The following NPLOC4 variants were observed in gnomAD, a reference collection of about 807,000 sequenced individuals.
NPLOC4 encodes NPL4 homolog, ubiquitin recognition factor, also known as nuclear protein localization protein 4 homolog.
NPLOC4 carries 18 observed loss-of-function variants against 80.6 expected under a neutral mutation model. That is an observed-to-expected ratio of 0.22 (90% confidence interval 0.15 to 0.33). The LOEUF is 0.33. NPLOC4 is among the 10% of genes least tolerant of loss of function. The pLI is 1.00. For missense variants in NPLOC4, 540 were observed against 786.1 expected (o/e 0.69, Z 3.74); for synonymous variants, 313 against 301.5 (o/e 1.04, Z -0.39).
chr17:81,590,499 A>C (rs894303451), intron 11 of NPLOC4, among the ~76,000 whole-genome samples: 1 of 152,048 alleles, frequency 6.6e-6, no homozygotes, highest in Non-Finnish European at 1.5e-5. Flanking sequence ...CTACAATCTC[A>C]TTATTTTTTA....
Position 81,629,941 on chromosome 17 carries a change from C to T in NPLOC4, c.16-136G>A, listed in dbSNP as rs2035887390. On this transcript the variant is annotated intron_variant, in intron 1 of 16. Transcript: ENST00000331134. ...AAACCTCACTCTTCACCTTTCAATA[C>T]CCAGCTCAATCCTTCTAGAATATGA... The T allele has an allele frequency of 1.1e-5, 7 of 653,728 alleles. No individual in the cohort carries two copies. The South Asian group carries it at 1.3e-4, about 12-fold the overall frequency. 40.5% of individuals were successfully genotyped at this position (653,728 alleles called of 1,614,324 possible). A position where few individuals can be genotyped will look rare whatever the true frequency, so the allele number is the denominator to read the frequency against.
chr17:81,575,832 G>A lies in NPLOC4; in HGVS notation c.1282-3744C>T, dbSNP rs753991257. ...GGGAAGATGCAAAATTTTCTCTTAA[G>A]ACTGGGAATATGCTATAATAAGTGA... On this transcript the variant is annotated intron_variant, in intron 12 of 16. Transcript: ENST00000331134. Among the ~76,000 whole-genome samples the A allele has an allele frequency of 2.0e-5, 3 of 152,332 alleles. No individual in the cohort carries two copies. The South Asian group carries it at 6.2e-4, about 32-fold the overall frequency.
chr17:81,559,332 G>A lies in NPLOC4; in HGVS notation c.1754C>T (p.Ala585Val), dbSNP rs1177934963. The A allele has an allele frequency of 1.9e-6, 3 of 1,606,816 alleles. No individual in the cohort carries two copies. The highest frequency in any genetic ancestry group is 2.5e-6 in the Non-Finnish European group (3 of 1,177,134). Reference sequence around the variant, plus strand: ...GTTCATGAACGTGCAGTGCTGACAGGCCCACATGGCTGCAGTGGCCGTGTG... The same window carrying A: ...GTTCATGAACGTGCAGTGCTGACAGACCCACATGGCTGCAGTGGCCGTGTG... ...STHTATAAMW[A>V]CQHCTFMNQP... The change falls in exon 17 of 17, where the codon GCC (alanine) becomes GTC (valine). Residue 585 changes from alanine (A) to valine (V), a missense_variant. Coordinates refer to ENST00000331134, the MANE Select transcript of NPLOC4 (RefSeq NM_017921.4).
At chr17:81,607,291 T>A (rs1031999978) in intron 6 of NPLOC4, among the ~76,000 whole-genome samples, 1 of 152,112 alleles carries the variant, frequency 6.6e-6, no homozygotes, top group Non-Finnish European at 1.5e-5. Context: ...TTACTCTGCT[T>A]TAGGCTAAAA....
At position 81,636,950 on chromosome 17, in the gene NPLOC4, G is replaced by T; in HGVS notation, c.-20C>A. ...GGCCATGGCGGCTGCTCCTGCCTCCGGGCTCGAGCCCCGGGCCGCCGCCGC... is the reference window on the plus strand; with the variant it reads ...GGCCATGGCGGCTGCTCCTGCCTCCTGGCTCGAGCCCCGGGCCGCCGCCGC... On this transcript the variant is annotated 5_prime_UTR_variant, in exon 1 of 17. Coordinates refer to ENST00000331134, the MANE Select transcript of NPLOC4 (RefSeq NM_017921.4). 1 of 1,323,516 alleles carries T rather than the reference G, an allele frequency of 7.6e-7. No individual in the cohort carries two copies. The highest frequency in any genetic ancestry group is 2.0e-5 in the South Asian group (1 of 49,742). 82.0% of individuals were successfully genotyped at this position (1,323,516 alleles called of 1,614,324 possible).
chr17:81,609,033 G>A (rs2035277120), intron 5 of NPLOC4: 1 of 460,632 alleles, frequency 2.2e-6, no homozygotes, highest in African/African-American at 2.0e-5. Context: ...TTTGTTTTGA[G>A]ACGGAGTCTC....
At chr17:81,565,639 G>T in intron 15 of NPLOC4, 32 bp from the exon 16 acceptor site, 2 of 1,499,484 alleles carry the variant, frequency 1.3e-6, no homozygotes, top group Non-Finnish European at 1.8e-6. Flanking sequence ...GTTCCTCTTC[G>T]CTGTGCCTAA....
chr17:81,630,501 G>C (rs141222513), intron 1 of NPLOC4, among the ~76,000 whole-genome samples: 303 of 151,938 alleles, frequency 2.0e-3, no homozygotes, highest in African/African-American at 6.6e-3. Flanking sequence ...GGCTGATCTC[G>C]AGCTCCGGGG....
At chr17:81,581,675 C>T (rs78916319) in intron 12 of NPLOC4, among the ~76,000 whole-genome samples, 4,591 of 152,282 alleles carry the variant, frequency 0.03, 94 homozygotes, top group Admixed American at 0.045. Context: ...AGTATACTCC[C>T]GGGGCGCCAG....
In NPLOC4 at chr17:81,558,927, CT is replaced by C. The variant is rs781159556; in HGVS notation, c.*331del. The stretch of plus-strand genomic sequence containing the variant: ...GGCTGGGTGGTGGCAGCATCGGCCC[CT>C]CCCTGTGCGCCCCAATTCCAGGTGC... On this transcript the variant is annotated 3_prime_UTR_variant, in exon 17 of 17. Transcript: ENST00000331134. 1.1e-4 allele frequency: 25 copies of C among 229,226 alleles called. No homozygotes were observed. In the East Asian group the frequency reaches 1.4e-3, roughly 13 times the overall value. 14.2% of individuals were successfully genotyped at this position (229,226 alleles called of 1,614,324 possible). A position where few individuals can be genotyped will look rare whatever the true frequency, so the allele number is the denominator to read the frequency against.
chr17:81,588,930 T>C lies in NPLOC4; in HGVS notation c.1281+14A>G. The C allele has an allele frequency of 6.2e-7, 1 of 1,608,246 alleles. No homozygotes were observed. Among genetic ancestry groups the C allele is most frequent in the South Asian group, 1.1e-5 (1 of 90,404 alleles). On this transcript the variant is annotated intron_variant, in intron 12 of 16. Coordinates refer to ENST00000331134, the MANE Select transcript of NPLOC4 (RefSeq NM_017921.4). ...TCTCCATGTACAGAGTTCTTTTTCT[T>C]ACCATACTTTTACCTTATAAAACAC...
At chr17:81,586,926 A>G (rs962444084) in intron 12 of NPLOC4, among the ~76,000 whole-genome samples, 1 of 152,102 alleles carries the variant, frequency 6.6e-6, no homozygotes, top group Non-Finnish European at 1.5e-5. Flanking sequence ...CCACCACCAC[A>G]TTTCCCATGG....
chr17:81,578,117 C>T (rs918425561), intron 12 of NPLOC4, among the ~76,000 whole-genome samples: 8 of 152,294 alleles, frequency 5.3e-5, no homozygotes, highest in Admixed American at 1.3e-4. Flanking sequence ...AAAAGCTTCC[C>T]GCCTCCAGAC....
rs756410877 is a variant in NPLOC4, at chr17:81,559,217, G to T, written c.*42C>A. The T allele has an allele frequency of 4.5e-6, 7 of 1,553,224 alleles. No homozygotes were observed. The African/African-American group carries it at 6.8e-5, about 15-fold the overall frequency. On this transcript the variant is annotated 3_prime_UTR_variant, in exon 17 of 17. Coordinates refer to ENST00000331134, the MANE Select transcript of NPLOC4 (RefSeq NM_017921.4). ...CAGCAACGCTTCTGGCTTCAGGAAG[G>T]GCTGGGCTGGGCCCGGTCCTAGCCA...
chr17:81,602,009 T>C (rs987893358), intron 8 of NPLOC4, among the ~76,000 whole-genome samples: 2 of 151,526 alleles, frequency 1.3e-5, no homozygotes, highest in African/African-American at 4.9e-5. Flanking sequence ...CAGTGTTAGG[T>C]GGAAAAAGTG....
At position 81,613,666 on chromosome 17, in the gene NPLOC4, G is replaced by T. The variant is rs2035400850; in HGVS notation, c.210-172C>A. Among the ~76,000 whole-genome samples, 3 of 152,212 alleles carry T rather than the reference G, an allele frequency of 2.0e-5. No individual in the cohort carries two copies. The South Asian group carries it at 6.2e-4, about 32-fold the overall frequency. On this transcript the variant is annotated intron_variant, in intron 3 of 16. Coordinates refer to ENST00000331134, the MANE Select transcript of NPLOC4 (RefSeq NM_017921.4). The stretch of plus-strand genomic sequence containing the variant: ...TTCTAACATCTCCCCTATGTTTCCT[G>T]GCATTATAAAGACCAGTATGCAGGT...
chr17:81,631,564 G>T (rs1164474899), intron 1 of NPLOC4, among the ~76,000 whole-genome samples: 1 of 151,250 alleles, frequency 6.6e-6, no homozygotes, highest in African/African-American at 2.4e-5. Context: ...GAAAGCCATC[G>T]TGAAGGTGAG....
intron 10 of NPLOC4, 53 bp from the exon 11 acceptor site, chr17:81,596,295 C>A (rs993048741): frequency 6.4e-7 from 1 of 1,556,306 alleles, no homozygotes. Flanking sequence ...CCAAAATATA[C>A]TTCTATTTCT....
At chr17:81,582,008 C>T (rs926892134) in intron 12 of NPLOC4, among the ~76,000 whole-genome samples, 4 of 152,200 alleles carry the variant, frequency 2.6e-5, no homozygotes, top group Non-Finnish European at 4.4e-5. Context: ...CCACCACACC[C>T]TAGTGTCAGA....
Sources: gnomAD v4.1 joint callset for allele counts (sites outside exome capture counted in the v4.1 genomes callset) on GRCh38, gnomAD v4.1.1 for gene constraint, MANE v1.5 for transcripts, NCBI Gene and HGNC (gene_info 2026-07-23, HGNC 2026-07-21) for gene names.